MORN5: variants seen among roughly 807,000 people sequenced by gnomAD.
MORN5 encodes MORN repeat containing 5.
In MORN5, 21 loss-of-function variants were observed where a neutral mutation model predicts 22.1. The observed-to-expected ratio is 0.95, with a 90% CI of 0.67 to 1.37. The LOEUF is 1.37. Ranked by LOEUF, MORN5 falls within the 40% of genes most tolerant of loss-of-function variation. The pLI, the probability that MORN5 is intolerant of heterozygous loss-of-function variation, is 0.00. For synonymous variants in MORN5, 73 were observed against 74.0 expected (o/e 0.99, Z 0.07); for missense variants, 211 against 215.1 (o/e 0.98, Z 0.12).
intron 4 of MORN5, chr9:122,175,037 C>T: frequency 4.5e-6 from 1 of 221,110 alleles, no homozygotes; most frequent in East Asian, 1.8e-4. Context: ...GTACTATAAA[C>T]AGTTAATTGT....
intron 4 of MORN5, among the ~76,000 whole-genome samples, chr9:122,192,647 G>T (rs534134577): frequency 6.6e-6 from 1 of 152,338 alleles, no homozygotes; most frequent in South Asian, 2.1e-4. Context: ...CCTTCACTGA[G>T]AGGCAAGTCC....
At chr9:122,165,420 A>C in intron 1 of MORN5, among the ~76,000 whole-genome samples, 1 of 139,232 alleles carries the variant, frequency 7.2e-6, no homozygotes, top group East Asian at 2.0e-4. Flanking sequence ...AAAAAAAAAA[A>C]TTAAATAAGC....
intron 4 of MORN5, among the ~76,000 whole-genome samples, chr9:122,192,306 G>A (rs149914940): frequency 0.01 from 1,550 of 152,254 alleles, 26 homozygotes; most frequent in African/African-American, 0.034. Flanking sequence ...TTTTAGGAAT[G>A]ATCTCACTTG....
chr9:122,195,136 C>T (rs928542410), intron 4 of MORN5, among the ~76,000 whole-genome samples: 5 of 152,092 alleles, frequency 3.3e-5, no homozygotes, highest in African/African-American at 7.2e-5. Context: ...AAGGGATGTC[C>T]ACTCCTCTTA....
intron 4 of MORN5, among the ~76,000 whole-genome samples, chr9:122,176,972 G>T (rs1488884737): frequency 6.6e-6 from 1 of 152,248 alleles, no homozygotes; most frequent in African/African-American, 2.4e-5. Flanking sequence ...AGGTAACAGA[G>T]AAAGTAACTG....
At chr9:122,164,599 C>T (rs765184308) in intron 1 of MORN5, 17 of 985,470 alleles carry the variant, frequency 1.7e-5, no homozygotes, top group South Asian at 4.7e-5. Context: ...CTGTTTTAGG[C>T]GAGTTGGAGA....
chr9:122,177,494 G>A (rs1457198638), intron 4 of MORN5, among the ~76,000 whole-genome samples: 1 of 152,052 alleles, frequency 6.6e-6, no homozygotes, highest in African/African-American at 2.4e-5. Flanking sequence ...GTAAAATGAC[G>A]CGATCTTGGC....
chr9:122,175,289 G>A lies in MORN5; in HGVS notation c.439+662G>A, dbSNP rs79613252. On this transcript the variant is annotated intron_variant, in intron 4 of 4. Transcript: ENST00000373764. ...AGCGAGAGGAAATGGCACAGGCAAC[G>A]GCCTAGAGGGGAGTGATCCCTTGAG... 3.7e-3 allele frequency among the ~76,000 whole-genome samples: 569 copies of A among 152,256 alleles called. 2 individuals are homozygous for A. Among genetic ancestry groups the A allele is most frequent in the African/African-American group, 0.013 (530 of 41,534 alleles).
chr9:122,188,198 C>T (rs16911551), intron 4 of MORN5, among the ~76,000 whole-genome samples: 4,646 of 152,220 alleles, frequency 0.031, 85 homozygotes, highest in Non-Finnish European at 0.042. Context: ...GGAGTAAAGA[C>T]GGGAGTTGCA....
intron 4 of MORN5, among the ~76,000 whole-genome samples, chr9:122,182,710 C>T (rs1259760822): frequency 6.6e-6 from 1 of 152,180 alleles, no homozygotes; most frequent in Non-Finnish European, 1.5e-5. Context: ...GAGATCGTGC[C>T]ACTGCACTCC....
chr9:122,180,512 C>T (rs1829522778), intron 4 of MORN5, among the ~76,000 whole-genome samples: 1 of 152,116 alleles, frequency 6.6e-6, no homozygotes, highest in Non-Finnish European at 1.5e-5. Context: ...TCTCGAACTC[C>T]TGACCTCAGG....
intron 1 of MORN5, among the ~76,000 whole-genome samples, chr9:122,163,500 G>A (rs534908655): frequency 6.6e-5 from 10 of 152,190 alleles, no homozygotes; most frequent in Non-Finnish European, 1.0e-4. Flanking sequence ...ATTTGAAATG[G>A]GCCTTGAAGG....
chr9:122,193,781 G>A (rs1237769787), intron 4 of MORN5, among the ~76,000 whole-genome samples: 1 of 152,210 alleles, frequency 6.6e-6, no homozygotes, highest in East Asian at 1.9e-4. Context: ...CTTGGGAATA[G>A]CAAGTGCAAA....
At chr9:122,186,847 T>G (rs1201047524) in intron 4 of MORN5, among the ~76,000 whole-genome samples, 1 of 152,202 alleles carries the variant, frequency 6.6e-6, no homozygotes, top group East Asian at 1.9e-4. Flanking sequence ...GAGCCTACTC[T>G]CTTTCTCAGC....
intron 4 of MORN5, among the ~76,000 whole-genome samples, chr9:122,194,348 C>G (rs1170441810): frequency 1.3e-5 from 2 of 152,196 alleles, no homozygotes; most frequent in African/African-American, 4.8e-5. Flanking sequence ...AGGCAGGGCT[C>G]CTGGTCTCAC....
chr9:122,186,767 A>G (rs2039197), intron 4 of MORN5, among the ~76,000 whole-genome samples: 109,032 of 152,112 alleles, frequency 0.72, 39,298 homozygotes, highest in Admixed American at 0.77. Flanking sequence ...GTCAACCTGG[A>G]CCAGCACTGT....
At chr9:122,165,803 T>C (rs998355842) in intron 1 of MORN5, among the ~76,000 whole-genome samples, 4 of 152,136 alleles carry the variant, frequency 2.6e-5, no homozygotes, top group Non-Finnish European at 5.9e-5. Context: ...ACCATCAGCA[T>C]AGTCCCTGAC....
chr9:122,170,859 G>T (rs916893228), intron 3 of MORN5, among the ~76,000 whole-genome samples: 11 of 152,166 alleles, frequency 7.2e-5, no homozygotes, highest in Non-Finnish European at 1.3e-4. Context: ...GATAGTATTA[G>T]GAGAAATACC....
intron 4 of MORN5, chr9:122,174,988 C>A (rs368131748): frequency 1.9e-6 from 1 of 535,184 alleles, no homozygotes; most frequent in Admixed American, 6.4e-5. Context: ...ACACAGCCCC[C>A]CTTCCTTGTG....
Sources: allele counts gnomAD v4.1 joint callset (sites outside exome capture counted in the v4.1 genomes callset), GRCh38; gene constraint gnomAD v4.1.1; transcripts MANE v1.5; gene names NCBI Gene and HGNC (gene_info 2026-07-23, HGNC 2026-07-21).